KCNQ1: variants seen among roughly 807,000 people sequenced by gnomAD.
KCNQ1 encodes the protein potassium voltage-gated channel subfamily KQT member 1.
Under a neutral mutation model 72.4 loss-of-function variants are expected in KCNQ1, and 49 were observed. The ratio of observed to expected loss-of-function variants is 0.68; its 90% CI spans 0.54 to 0.86. The LOEUF is 0.86. Among genes scored for constraint, KCNQ1 ranks in the 40% least tolerant of loss-of-function variants. The probability of loss-of-function intolerance (pLI) is 0.00; values close to 1 mark genes in which losing one functional copy is unlikely to be tolerated. For missense variants in KCNQ1, 790 were observed against 945.1 expected (o/e 0.84, Z 2.15); for synonymous variants, 450 against 412.6 (o/e 1.09, Z -1.10).
rs187544815 is a variant in KCNQ1, at chr11:2,603,870, T to C, written c.1393+15016T>C. On this transcript the variant is annotated intron_variant, in intron 10 of 15. Coordinates refer to ENST00000155840, the MANE Select transcript of KCNQ1 (RefSeq NM_000218.3). The surrounding 1 kb of genome is among the most constrained non-coding windows in gnomAD (Gnocchi z 4.1). ...CAAGCCCGGCTAATTTTTGTATTTT[T>C]AGTAGTGACGGGGTTTCGCCATGTT... 6.6e-5 allele frequency among the ~76,000 whole-genome samples: 10 copies of C among 152,184 alleles called. No homozygotes were observed. Among genetic ancestry groups the C allele is most frequent in the Admixed American group, 2.6e-4 (4 of 15,296 alleles).
chr11:2,561,151 C>T (rs1395831040), intron 2 of KCNQ1, among the ~76,000 whole-genome samples: 1 of 148,058 alleles, frequency 6.8e-6, no homozygotes, highest in Non-Finnish European at 1.5e-5. Context: ...TGCAGTGAGC[C>T]GAGATTGCGC....
chr11:2,735,044 A>T lies in KCNQ1; in HGVS notation c.1515-33800A>T, dbSNP rs1348143966. 6.6e-6 allele frequency among the ~76,000 whole-genome samples: 1 copy of T among 152,058 alleles called. No individual in the cohort carries two copies. Among genetic ancestry groups the T allele is most frequent in the East Asian group, 1.9e-4 (1 of 5,162 alleles). ...CGGAGGGCACACTAACAAGAGGCACATGTGCCAGGGAAGCCCTGCCTTGTC... is the reference window on the plus strand; with the variant it reads ...CGGAGGGCACACTAACAAGAGGCACTTGTGCCAGGGAAGCCCTGCCTTGTC... On this transcript the variant is annotated intron_variant, in intron 11 of 15. Coordinates refer to ENST00000155840, the MANE Select transcript of KCNQ1 (RefSeq NM_000218.3). This position sits in a 1 kb window ranked among gnomAD's most constrained non-coding sequence, Gnocchi z 7.7.
rs953640175 is a variant in KCNQ1, at chr11:2,454,225, G to A, written c.386+8741G>A. Among the ~76,000 whole-genome samples the A allele has an allele frequency of 2.6e-5, 4 of 152,152 alleles. 1 individual carries two copies. The highest frequency in any genetic ancestry group is 2.1e-4 in the South Asian group (1 of 4,824). ...AAAGTTTACCTCAAAAGGGTGGCGG[G>A]GGGGGAGGTGGCATATGGAATCAAG... On this transcript the variant is annotated intron_variant, in intron 1 of 15. Transcript: ENST00000155840.
rs551338072 is a variant in KCNQ1, at chr11:2,645,046, G to A, written c.1394-16915G>A. ...TTTGGGCCTCCAGGCAACTTGCTCA[G>A]GTGCCAATGATGACAGAGCTGGGCC... is the stretch of plus-strand genomic sequence containing the variant. On this transcript the variant is annotated intron_variant, in intron 10 of 15. Transcript: ENST00000155840. The surrounding 1 kb of genome is among the most constrained non-coding windows in gnomAD (Gnocchi z 5.8). 1 of 398,818 alleles carries A rather than the reference G, an allele frequency of 2.5e-6. No individual in the cohort carries two copies. The highest frequency in any genetic ancestry group is 4.4e-5 in the Admixed American group (1 of 22,746). 24.7% of individuals were successfully genotyped at this position (398,818 alleles called of 1,614,324 possible).
At chr11:2,530,267 A>C (rs1847596695) in intron 2 of KCNQ1, among the ~76,000 whole-genome samples, 1 of 152,228 alleles carries the variant, frequency 6.6e-6, no homozygotes, top group Admixed American at 6.5e-5. Context: ...ATGAGCACCC[A>C]GCCAAGTCTC....
At chr11:2,533,173 T>C (rs1847670088) in intron 2 of KCNQ1, among the ~76,000 whole-genome samples, 1 of 152,204 alleles carries the variant, frequency 6.6e-6, no homozygotes, top group African/African-American at 2.4e-5. Context: ...TCTCGTTTCT[T>C]TTCGTACGCC....
Position 2,509,437 on chromosome 11 carries a change from G to A in KCNQ1, c.387-18491G>A, listed in dbSNP as rs1284041265. On this transcript the variant is annotated intron_variant, in intron 1 of 15. Transcript: ENST00000155840. This position sits in a 1 kb window ranked among gnomAD's most constrained non-coding sequence, Gnocchi z 6.3. ...CCAGTGAGTGGCCGTTGGCTGGGAG[G>A]CTGGGTCTGTGCTGTGTGGGGGGTG... is the stretch of plus-strand genomic sequence containing the variant. Among the ~76,000 whole-genome samples the A allele has an allele frequency of 6.6e-6, 1 of 152,150 alleles. No individual in the cohort carries two copies. Among genetic ancestry groups the A allele is most frequent in the Non-Finnish European group, 1.5e-5 (1 of 68,022 alleles).
chr11:2,719,712 G>A (rs1030787652), intron 11 of KCNQ1, among the ~76,000 whole-genome samples: 88 of 152,288 alleles, frequency 5.8e-4, no homozygotes, highest in African/African-American at 2.1e-3. Flanking sequence ...TCCTGCCCTC[G>A]GATCATTTGG....
chr11:2,478,995 G>T lies in KCNQ1; in HGVS notation c.386+33511G>T, dbSNP rs1398094199. Among the ~76,000 whole-genome samples the T allele has an allele frequency of 6.6e-6, 1 of 152,202 alleles. No homozygotes were observed. The highest frequency in any genetic ancestry group is 6.5e-5 in the Admixed American group (1 of 15,282). On this transcript the variant is annotated intron_variant, in intron 1 of 15. Coordinates refer to ENST00000155840, the MANE Select transcript of KCNQ1 (RefSeq NM_000218.3). This position sits in a 1 kb window ranked among gnomAD's most constrained non-coding sequence, Gnocchi z 4.0. ...CCCATGCAAGTTCGAAATCCAGTGG[G>T]GCAGTTAAATCTTAATGCTCCAAAA...
At chr11:2,644,533 A>C in intron 10 of KCNQ1, 1 of 398,100 alleles carries the variant, frequency 2.5e-6, no homozygotes, top group Non-Finnish European at 4.4e-6. Flanking sequence ...ATTATATTGA[A>C]TTTTTCAAGG....
intron 2 of KCNQ1, among the ~76,000 whole-genome samples, chr11:2,552,812 C>T (rs1457148085): frequency 1.3e-5 from 2 of 151,998 alleles, no homozygotes; most frequent in African/African-American, 4.8e-5. Flanking sequence ...TTCCGATCCA[C>T]GAACACTGTC....
rs1440932183 is a variant in KCNQ1, at chr11:2,772,579, G to A, written c.1591-3381G>A. On this transcript the variant is annotated intron_variant, in intron 12 of 15. Coordinates refer to ENST00000155840, the MANE Select transcript of KCNQ1 (RefSeq NM_000218.3). The surrounding 1 kb of genome is among the most constrained non-coding windows in gnomAD (Gnocchi z 6.6). ...GGGCTGGGATGCCACCGGGCCGTGG[G>A]TCCTCATGGTCTGCGGGCATTGCTG... is the stretch of plus-strand genomic sequence containing the variant. Among the ~76,000 whole-genome samples, 1 of 152,144 alleles carries A rather than the reference G, an allele frequency of 6.6e-6. No individual in the cohort carries two copies. The highest frequency in any genetic ancestry group is 2.4e-5 in the African/African-American group (1 of 41,420).
chr11:2,513,220 A>C (rs1173539569), intron 1 of KCNQ1, among the ~76,000 whole-genome samples: 1 of 152,084 alleles, frequency 6.6e-6, no homozygotes, highest in Non-Finnish European at 1.5e-5. Context: ...GTGTCATTGC[A>C]CAACTCCAGG....
intron 15 of KCNQ1, among the ~76,000 whole-genome samples, chr11:2,829,215 G>T (rs74660522): frequency 3.4e-3 from 518 of 152,014 alleles, no homozygotes; most frequent in African/African-American, 0.012. Context: ...AAGGCCAAGA[G>T]AATTTTCAAC....
intron 4 of KCNQ1, 48 bp downstream of exon 4, chr11:2,571,451 C>T (rs777638852): frequency 4.2e-5 from 64 of 1,529,996 alleles, no homozygotes; most frequent in African/African-American, 9.5e-5. Context: ...CCACCCCGAG[C>T]ACCCCTCCTG....
At chr11:2,628,689 C>G (rs1318418781) in intron 10 of KCNQ1, 4 of 398,150 alleles carry the variant, frequency 1.0e-5, no homozygotes, top group Admixed American at 4.4e-5. Context: ...CTTTTGATGT[C>G]ACATCTAAAA....
At position 2,759,570 on chromosome 11, in the gene KCNQ1, C is replaced by T. The variant is rs868302664; in HGVS notation, c.1515-9274C>T. Among the ~76,000 whole-genome samples the T allele has an allele frequency of 6.6e-6, 1 of 152,362 alleles. No homozygotes were observed. The highest frequency in any genetic ancestry group is 2.1e-4 in the South Asian group (1 of 4,828). On this transcript the variant is annotated intron_variant, in intron 11 of 15. Transcript: ENST00000155840. The surrounding 1 kb of genome is among the most constrained non-coding windows in gnomAD (Gnocchi z 4.4). ...CGCGGGAGGGAGTTGCAAAGAGCGACACCCCAGCATGTGGGAAGGAAGGGA... is the reference window on the plus strand; with the variant it reads ...CGCGGGAGGGAGTTGCAAAGAGCGATACCCCAGCATGTGGGAAGGAAGGGA...
At position 2,484,142 on chromosome 11, in the gene KCNQ1, A is replaced by G. The variant is rs1284298302; in HGVS notation, c.386+38658A>G. Among the ~76,000 whole-genome samples, 5 of 152,168 alleles carry G rather than the reference A, an allele frequency of 3.3e-5. No homozygotes were observed. The highest frequency in any genetic ancestry group is 1.3e-4 in the Admixed American group (2 of 15,280). On this transcript the variant is annotated intron_variant, in intron 1 of 15. Transcript: ENST00000155840. The surrounding 1 kb of genome is among the most constrained non-coding windows in gnomAD (Gnocchi z 5.2). Reference sequence around the variant, plus strand: ...CTTTTGTGTTATGGGCTATAAGCCAATGCTATTATTATTTATTTTCCTCCA... The same window carrying G: ...CTTTTGTGTTATGGGCTATAAGCCAGTGCTATTATTATTTATTTTCCTCCA...
At position 2,695,323 on chromosome 11, in the gene KCNQ1, T is replaced by C. The variant is rs1850655257; in HGVS notation, c.1514+33242T>C. ...CAGCTTCTCCAGGGTAATTTATTTA[T>C]ATCATTGTGTGTGTGTGTGTGCACT... On this transcript the variant is annotated intron_variant, in intron 11 of 15. Transcript: ENST00000155840. The surrounding 1 kb of genome is among the most constrained non-coding windows in gnomAD (Gnocchi z 5.2). 2 of 392,822 alleles carry C rather than the reference T, an allele frequency of 5.1e-6. No individual in the cohort carries two copies. Among genetic ancestry groups the C allele is most frequent in the Non-Finnish European group, 8.9e-6 (2 of 224,516 alleles). 24.3% of individuals were successfully genotyped at this position (392,822 alleles called of 1,614,324 possible). A position where few individuals can be genotyped will look rare whatever the true frequency, so the allele number is the denominator to read the frequency against.
Sources: gnomAD v4.1 joint callset for allele counts (sites outside exome capture counted in the v4.1 genomes callset) on GRCh38, gnomAD v4.1.1 for gene constraint, Gnocchi (gnomAD v3.1) non-coding constraint, MANE v1.5 for transcripts, NCBI Gene and HGNC (gene_info 2026-07-23, HGNC 2026-07-21) for gene names.